The following DNAH3 variants were observed in gnomAD, a reference collection of about 807,000 sequenced individuals.
DNAH3 encodes dynein axonemal heavy chain 3, also known as axonemal beta dynein heavy chain 3.
DNAH3 carries 332 observed loss-of-function variants against 432.5 expected under a neutral mutation model. The observed-to-expected ratio is 0.77, with a 90% CI of 0.70 to 0.84. The LOEUF (loss-of-function observed/expected upper bound fraction) is 0.84, where lower values mean the gene tolerates loss of function less well. Ranked by LOEUF, DNAH3 falls within the 40% of genes least tolerant of loss-of-function variation. The pLI, the probability that DNAH3 is intolerant of heterozygous loss-of-function variation, is 0.00. For synonymous variants in DNAH3, 1,956 were observed against 1,900.2 expected (o/e 1.03, Z -0.76); for missense variants, 4,861 against 5,114.0 (o/e 0.95, Z 1.51).
exon 29 of DNAH3, chr16:21,051,853 GCCA>G (rs757902668): frequency 2.5e-5 from 40 of 1,614,108 alleles, no homozygotes; most frequent in Non-Finnish European, 3.0e-5. Flanking sequence ...AGATAACTTG[GCCA>G]CCACGTCGCG....
intron 9 of DNAH3, among the ~76,000 whole-genome samples, chr16:21,124,881 G>A (rs890318972): frequency 9.2e-5 from 14 of 152,092 alleles, no homozygotes; most frequent in Admixed American, 4.6e-4. Context: ...AACTTCTGAC[G>A]TCAGGTGATC....
chr16:20,979,374 G>A lies in DNAH3; in HGVS notation c.8032C>T (p.Arg2678Cys), dbSNP rs200596149. 613 of 1,614,018 alleles carry A rather than the reference G, an allele frequency of 3.8e-4. 1 individual carries two copies. The highest frequency in any genetic ancestry group is 4.8e-4 in the Non-Finnish European group (568 of 1,180,044). Residue 2678 changes from arginine to cysteine, a missense_variant, in exon 50 of 62, where the codon CGC (arginine) becomes TGC (cysteine). Physicochemically the swap from Arg to Cys is radical, Grantham distance 180. Coordinates refer to ENST00000261383, the Ensembl canonical transcript of DNAH3. ...AGTTTCTGCAAGCCTGTCAGGTAGC[G>A]GTTCCTCATCATAGCCACCTCTTGC...
At position 21,152,107 on chromosome 16, in the gene DNAH3, G is replaced by A. The variant is rs1055140378; in HGVS notation, c.118-6019C>T. Among the ~76,000 whole-genome samples the A allele has an allele frequency of 7.9e-5, 12 of 151,940 alleles. 1 individual carries two copies. The highest frequency in any genetic ancestry group is 2.0e-4 in the Admixed American group (3 of 15,242). ...AAATTAGCCGGGCATGGTGGTAGTC[G>A]CCTGTAATCCCAGCTACTTGGGGGG... On this transcript the variant is annotated intron_variant, in intron 1 of 61. Transcript: ENST00000261383.
At chr16:21,031,369 C>A in intron 36 of DNAH3, 83 bp from the exon 37 acceptor site, 1 of 1,529,548 alleles carries the variant, frequency 6.5e-7, no homozygotes, top group Non-Finnish European at 8.9e-7. Flanking sequence ...TCTCAACAAC[C>A]AATCAACTTT....
At chr16:21,060,470 G>T (rs953856409) in intron 25 of DNAH3, 114 bp from the exon 26 acceptor site, 2 of 707,172 alleles carry the variant, frequency 2.8e-6, no homozygotes, top group African/African-American at 3.6e-5. Flanking sequence ...CAAAGGCTTG[G>T]CACCTTTTCA....
chr16:21,059,514 C>T (rs915911421), intron 26 of DNAH3, among the ~76,000 whole-genome samples: 44 of 152,100 alleles, frequency 2.9e-4, no homozygotes, highest in African/African-American at 9.9e-4. Flanking sequence ...GTGGCTCATG[C>T]CTGTAATCCC....
chr16:20,987,462 GTTAA>G lies in DNAH3; in HGVS notation c.6883-18_6883-15del. 2 of 1,613,774 alleles carry G rather than the reference GTTAA, an allele frequency of 1.2e-6. No individual in the cohort carries two copies. Among genetic ancestry groups the G allele is most frequent in the Non-Finnish European group, 8.5e-7 (1 of 1,179,842 alleles). On this transcript the variant is annotated splice_polypyrimidine_tract_variant and intron_variant, in intron 46 of 61. Coordinates refer to ENST00000261383, the Ensembl canonical transcript of DNAH3. ...TTTTTCTACATCCTAAAAATCCAGAGTTAATTATTCAAACGAGTGGAAGATGGTC... is the reference window on the plus strand; with the variant it reads ...TTTTTCTACATCCTAAAAATCCAGAGTTATTCAAACGAGTGGAAGATGGTC...
intron 15 of DNAH3, among the ~76,000 whole-genome samples, chr16:21,105,762 T>A (rs1046088386): frequency 1.3e-5 from 2 of 151,830 alleles, no homozygotes; most frequent in Non-Finnish European, 2.9e-5. Context: ...AGACTCTGTC[T>A]CGACAAAAAA....
intron 42 of DNAH3, among the ~76,000 whole-genome samples, chr16:21,002,571 C>A (rs3103816): frequency 4.6e-5 from 7 of 151,816 alleles, no homozygotes; most frequent in African/African-American, 1.7e-4. Flanking sequence ...AAGCGATTCT[C>A]CTGCCTCAGC....
chr16:21,140,876 T>C (rs1017654265), intron 4 of DNAH3, among the ~76,000 whole-genome samples, 166 bp from the exon 6 acceptor site: 1 of 152,208 alleles, frequency 6.6e-6, no homozygotes, highest in Non-Finnish European at 1.5e-5. Flanking sequence ...CCCTAATGAC[T>C]GAACACCTCA....
At chr16:20,948,452 A>G (rs760837368) in intron 57 of DNAH3, 31 bp downstream of exon 57, 1 of 1,605,418 alleles carries the variant, frequency 6.2e-7, no homozygotes, top group Non-Finnish European at 8.5e-7. Context: ...CCTGTGGGGG[A>G]AAGAGGTAGG....
chr16:21,152,634 C>T (rs1031504559), intron 1 of DNAH3, among the ~76,000 whole-genome samples: 66 of 152,382 alleles, frequency 4.3e-4, no homozygotes, highest in Admixed American at 2.2e-3. Flanking sequence ...GCGCACGGCG[C>T]TTGCGGGCCA....
exon 10 of DNAH3, chr16:21,121,982 A>G (rs141997279): frequency 2.7e-5 from 44 of 1,613,420 alleles, no homozygotes; most frequent in South Asian, 5.5e-5. Context: ...AATTTCCAGG[A>G]AAGAGTCACG....
intron 21 of DNAH3, among the ~76,000 whole-genome samples, chr16:21,071,367 T>C (rs1404916089): frequency 2.0e-5 from 3 of 149,898 alleles, no homozygotes; most frequent in Non-Finnish European, 3.0e-5. Flanking sequence ...AGAGATGGGG[T>C]CTCACTGTGT....
At chr16:21,121,041 C>T (rs1247559965) in intron 10 of DNAH3, 1 of 691,122 alleles carries the variant, frequency 1.4e-6, no homozygotes, top group Admixed American at 2.0e-5. Context: ...TGCACTGCAA[C>T]CTTGAACTCC....
At position 21,061,808 on chromosome 16, in the gene DNAH3, T is replaced by A. The variant is rs139159819; in HGVS notation, c.3720+674A>T. ...TTTGATCAAAACTCCATAGGGAAAT[T>A]CAAATATGCCCCAAATTATTCAGTG... On this transcript the variant is annotated intron_variant, in intron 25 of 61. Coordinates refer to ENST00000261383, the Ensembl canonical transcript of DNAH3. Among the ~76,000 whole-genome samples, 22 of 152,330 alleles carry A rather than the reference T, an allele frequency of 1.4e-4. No homozygotes were observed. In the East Asian group the frequency reaches 3.1e-3, roughly 21 times the overall value.
intron 18 of DNAH3, among the ~76,000 whole-genome samples, chr16:21,091,203 G>T (rs2091525017): frequency 6.6e-6 from 1 of 151,956 alleles, no homozygotes; most frequent in Non-Finnish European, 1.5e-5. Context: ...TTAAAGAATA[G>T]ATTATAAATG....
intron 50 of DNAH3, among the ~76,000 whole-genome samples, chr16:20,978,793 G>C (rs796848780): frequency 2.0e-5 from 3 of 152,022 alleles, no homozygotes; most frequent in Admixed American, 2.0e-4. Flanking sequence ...GATCCTCCCG[G>C]CTTTGACCTC....
intron 3 of DNAH3, among the ~76,000 whole-genome samples, chr16:21,143,488 C>CA (rs1166405618): frequency 1.3e-5 from 2 of 152,192 alleles, no homozygotes; most frequent in Non-Finnish European, 2.9e-5. Flanking sequence ...TCGGACTTTA[C>CA]AGACTCCAGA....
Sources: gnomAD v4.1 joint callset for allele counts (sites outside exome capture counted in the v4.1 genomes callset) on GRCh38, gnomAD v4.1.1 for gene constraint, MANE v1.5 for transcripts, NCBI Gene and HGNC (gene_info 2026-07-23, HGNC 2026-07-21) for gene names.